GULP1: variants seen among roughly 807,000 people sequenced by gnomAD.
GULP1 encodes GULP PTB domain containing engulfment adaptor 1.
A neutral mutation model predicts 40.9 loss-of-function variants in GULP1; 19 were observed. That is an observed-to-expected ratio of 0.46 (90% CI 0.32 to 0.68). The LOEUF (loss-of-function observed/expected upper bound fraction) is 0.68. Ranked by LOEUF, GULP1 falls within the 30% of genes least tolerant of loss-of-function variation. The pLI is 0.03. For missense variants in GULP1, 312 were observed against 362.2 expected (o/e 0.86, Z 1.12); for synonymous variants, 119 against 117.6 (o/e 1.01, Z -0.08).
chr2:188,325,981 C>T (rs1450177284), intron 1 of GULP1, among the ~76,000 whole-genome samples: 2 of 152,000 alleles, frequency 1.3e-5, no homozygotes, highest in African/African-American at 2.4e-5. Flanking sequence ...ATATATTTTC[C>T]GTATCCTTAA....
chr2:188,567,123 A>G lies in GULP1; in HGVS notation c.400-2116A>G, dbSNP rs374041793. Among the ~76,000 whole-genome samples the G allele has an allele frequency of 2.7e-4, 41 of 152,302 alleles. 1 individual carries two copies. The highest frequency in any genetic ancestry group is 9.6e-4 in the African/African-American group (40 of 41,584). On this transcript the variant is annotated intron_variant, in intron 7 of 11. Transcript: ENST00000409830. ...TCAGAAGGGTGATTATTAAAAAGTC[A>G]GGAAAAAATAGATGCTGGCAAGGCT...
Position 188,594,014 on chromosome 2 carries a change from T to A in GULP1, c.*3T>A, listed in dbSNP as rs369572037. 3.0e-4 allele frequency: 459 copies of A among 1,540,210 alleles called. 3 individuals carry two copies. In the African/African-American group the frequency reaches 5.1e-3, roughly 17 times the overall value. On this transcript the variant is annotated 3_prime_UTR_variant, in exon 12 of 12. Transcript: ENST00000409830. ...ACCCGTTAGACAGTAGGTGCTGACA[T>A]CAAGAACAAGAAATCCTGATTCATG...
chr2:188,337,386 C>T (rs536118405), intron 1 of GULP1, among the ~76,000 whole-genome samples: 1 of 150,896 alleles, frequency 6.6e-6, no homozygotes, highest in East Asian at 2.0e-4. Flanking sequence ...GTGATCCACC[C>T]ACCTTGGCCT....
intron 1 of GULP1, among the ~76,000 whole-genome samples, chr2:188,326,524 A>C (rs2151991013): frequency 6.6e-6 from 1 of 152,136 alleles, no homozygotes; most frequent in African/African-American, 2.4e-5. Flanking sequence ...AACAAATGAA[A>C]ATTGTTGTTG....
intron 9 of GULP1, among the ~76,000 whole-genome samples, chr2:188,577,812 TA>T (rs1700456505): frequency 6.6e-6 from 1 of 152,080 alleles, no homozygotes; most frequent in South Asian, 2.1e-4. Flanking sequence ...AAACTTTATT[TA>T]AAAAGTGATA....
At chr2:188,550,001 A>G (rs1693035563) in intron 7 of GULP1, among the ~76,000 whole-genome samples, 2 of 151,768 alleles carry the variant, frequency 1.3e-5, no homozygotes, top group Admixed American at 6.6e-5. Flanking sequence ...CTCTTGTCGT[A>G]ATCAAATTAT....
intron 1 of GULP1, among the ~76,000 whole-genome samples, chr2:188,295,349 T>C (rs768235861): frequency 3.9e-5 from 6 of 152,208 alleles, no homozygotes; most frequent in Non-Finnish European, 8.8e-5. Flanking sequence ...ATATCATGCA[T>C]CATCGGGCCT....
In GULP1 at chr2:188,483,411, CTG is replaced by C. The variant is rs1394426339; in HGVS notation, c.29-16_29-15del. The C allele has an allele frequency of 2.9e-6, 4 of 1,365,764 alleles. No homozygotes were observed. Among genetic ancestry groups the C allele is most frequent in the South Asian group, 2.5e-5 (2 of 78,978 alleles). 84.6% of individuals were successfully genotyped at this position (1,365,764 alleles called of 1,614,324 possible). On this transcript the variant is annotated intron_variant, in intron 3 of 11. Coordinates refer to ENST00000409830, the MANE Select transcript of GULP1 (RefSeq NM_016315.4). ...CACCATGGAAACCTAAAATTTAACT[CTG>C]TGTATTTTTTATTGCAGACAAAACA...
rs1213856491 is a variant in GULP1, at chr2:188,302,613, A to G, written c.-172+10447A>G. Among the ~76,000 whole-genome samples, 3 of 152,206 alleles carry G rather than the reference A, an allele frequency of 2.0e-5. No individual in the cohort carries two copies. The East Asian group carries it at 5.8e-4, about 29-fold the overall frequency. On this transcript the variant is annotated intron_variant, in intron 1 of 11. Transcript: ENST00000409830. Reference sequence around the variant, plus strand: ...GAGGTATAAAAAAATACAGACATACAGTAAACTTTTAAGTAAGAGCTAGTG... The same window carrying G: ...GAGGTATAAAAAAATACAGACATACGGTAAACTTTTAAGTAAGAGCTAGTG...
At chr2:188,462,084 G>T (rs1054262509) in intron 2 of GULP1, among the ~76,000 whole-genome samples, 1 of 151,610 alleles carries the variant, frequency 6.6e-6, no homozygotes, top group African/African-American at 2.4e-5. Context: ...TTCCCTCTTC[G>T]TACTGCTTTT....
At chr2:188,474,931 T>TA (rs1357532339) in intron 2 of GULP1, among the ~76,000 whole-genome samples, 1 of 152,178 alleles carries the variant, frequency 6.6e-6, no homozygotes, top group African/African-American at 2.4e-5. Flanking sequence ...TAAATTGAGA[T>TA]AAAGTCAATT....
chr2:188,329,417 G>A (rs2041240000), intron 1 of GULP1, among the ~76,000 whole-genome samples: 1 of 152,252 alleles, frequency 6.6e-6, no homozygotes, highest in Non-Finnish European at 1.5e-5. Context: ...GACATGTGAA[G>A]TAGGTGAAGA....
At chr2:188,558,518 A>G (rs1213033898) in intron 7 of GULP1, among the ~76,000 whole-genome samples, 4 of 152,166 alleles carry the variant, frequency 2.6e-5, no homozygotes, top group African/African-American at 7.2e-5. Context: ...CTAATAGTGT[A>G]AATTGGTACC....
intron 1 of GULP1, among the ~76,000 whole-genome samples, chr2:188,378,800 C>T (rs1315601468): frequency 2.0e-5 from 3 of 152,130 alleles, no homozygotes; most frequent in Non-Finnish European, 4.4e-5. Flanking sequence ...CACTAAGTCC[C>T]ACGTTTAACA....
chr2:188,343,413 G>A (rs1241288674), intron 1 of GULP1, among the ~76,000 whole-genome samples: 1 of 152,168 alleles, frequency 6.6e-6, no homozygotes, highest in African/African-American at 2.4e-5. Context: ...TTAGGGAGGC[G>A]ATGTTAACTG....
chr2:188,357,333 A>G (rs1487145795), intron 1 of GULP1, among the ~76,000 whole-genome samples: 1 of 152,170 alleles, frequency 6.6e-6, no homozygotes, highest in Non-Finnish European at 1.5e-5. Context: ...TATCTAGAAT[A>G]TATGATAAAC....
intron 2 of GULP1, among the ~76,000 whole-genome samples, chr2:188,454,551 G>A (rs1447123529): frequency 6.6e-6 from 1 of 152,168 alleles, no homozygotes; most frequent in Non-Finnish European, 1.5e-5. Flanking sequence ...ACTTGAAGGT[G>A]GGGTTTCACC....
intron 1 of GULP1, among the ~76,000 whole-genome samples, chr2:188,319,013 A>G (rs1391105859): frequency 6.6e-6 from 1 of 152,082 alleles, no homozygotes; most frequent in Non-Finnish European, 1.5e-5. Context: ...TTTATGGGTG[A>G]TATTTGTTTT....
intron 2 of GULP1, among the ~76,000 whole-genome samples, chr2:188,384,471 A>G (rs965916982): frequency 5.9e-5 from 9 of 152,186 alleles, no homozygotes; most frequent in Admixed American, 5.9e-4. Context: ...GGTACAAATC[A>G]AGATAAGATT....
Sources: allele counts gnomAD v4.1 joint callset (sites outside exome capture counted in the v4.1 genomes callset), GRCh38; gene constraint gnomAD v4.1.1; transcripts MANE v1.5; gene names NCBI Gene and HGNC (gene_info 2026-07-23, HGNC 2026-07-21).